The following SLC6A3 variants were observed in gnomAD, a reference collection of about 807,000 sequenced individuals.
SLC6A3 encodes the protein sodium-dependent dopamine transporter.
Under a neutral mutation model 70.4 loss-of-function variants are expected in SLC6A3, and 19 were observed. The ratio of observed to expected loss-of-function variants is 0.27; its 90% CI spans 0.19 to 0.40. The LOEUF is 0.40. Ranked by LOEUF, SLC6A3 falls within the 10% of genes least tolerant of loss-of-function variation. The pLI is 1.00. For missense variants in SLC6A3, 613 were observed against 838.5 expected, an observed-to-expected ratio of 0.73 and a Z score of 3.32; for synonymous variants, 368 against 356.6, an observed-to-expected ratio of 1.03 and a Z score of -0.36.
chr5:1,429,388 AC>A (rs1423967153), intron 4 of SLC6A3, among the ~76,000 whole-genome samples: 2 of 152,238 alleles, frequency 1.3e-5, no homozygotes, highest in Non-Finnish European at 2.9e-5. Context: ...GCTAAAGTGT[AC>A]CACGTGCCAG....
Position 1,443,248 on chromosome 5 carries a change from G to C in SLC6A3, c.-45-6C>G. 1.9e-6 allele frequency: 3 copies of C among 1,595,734 alleles called. No homozygotes were observed. Among genetic ancestry groups the C allele is most frequent in the Middle Eastern group, 1.7e-4 (1 of 5,968 alleles). Reference sequence around the variant, plus strand: ...TGTGCTTCTTCCCTCTTGGTCTTCAGCCAATATGAAAAATAAACACACAAC... The same window carrying C: ...TGTGCTTCTTCCCTCTTGGTCTTCACCCAATATGAAAAATAAACACACAAC... On this transcript the variant is annotated splice_polypyrimidine_tract_variant and splice_region_variant and intron_variant, in intron 1 of 14. Coordinates refer to ENST00000270349, the MANE Select transcript of SLC6A3 (RefSeq NM_001044.5).
Position 1,437,713 on chromosome 5 carries a change from G to T in SLC6A3, c.418+3646C>A, listed in dbSNP as rs1284910597. 6.6e-6 allele frequency among the ~76,000 whole-genome samples: 1 copy of T among 152,212 alleles called. No individual in the cohort carries two copies. Among genetic ancestry groups the T allele is most frequent in the African/African-American group, 2.4e-5 (1 of 41,452 alleles). ...ATCTTGGCTCCCAGTTAGGAGCAGG[G>T]AGCAGCTCGCAGGTCTGCAGGAGGG... On this transcript the variant is annotated intron_variant, in intron 3 of 14. Transcript: ENST00000270349. This position sits in a 1 kb window ranked among gnomAD's most constrained non-coding sequence, Gnocchi z 4.8.
At chr5:1,443,316 G>T (rs2735850) in intron 1 of SLC6A3, 74 bp from the exon 2 acceptor site, 1 of 1,207,566 alleles carries the variant, frequency 8.3e-7, no homozygotes, top group Non-Finnish European at 1.2e-6. Flanking sequence ...GACATACCTG[G>T]TGCGGAGGGC....
At position 1,436,973 on chromosome 5, in the gene SLC6A3, C is replaced by T. The variant is rs1050567616; in HGVS notation, c.419-4275G>A. Among the ~76,000 whole-genome samples, 2 of 152,266 alleles carry T rather than the reference C, an allele frequency of 1.3e-5. No homozygotes were observed. The highest frequency in any genetic ancestry group is 4.8e-5 in the African/African-American group (2 of 41,560). On this transcript the variant is annotated intron_variant, in intron 3 of 14. Transcript: ENST00000270349. The surrounding 1 kb of genome is among the most constrained non-coding windows in gnomAD (Gnocchi z 5.2). ...CTTTGGAAGAAAGACGGGAGAGGGC[C>T]GGGCACGGTGGCTCACTCCTGTAAT...
chr5:1,424,455 CT>C (rs1337074185), intron 4 of SLC6A3, among the ~76,000 whole-genome samples: 1 of 150,924 alleles, frequency 6.6e-6, no homozygotes, highest in Non-Finnish European at 1.5e-5. Context: ...GCCCGGACCA[CT>C]CCTCCCTCAC....
At chr5:1,430,352 C>T (rs1018904509) in intron 4 of SLC6A3, among the ~76,000 whole-genome samples, 11 of 152,356 alleles carry the variant, frequency 7.2e-5, no homozygotes, top group African/African-American at 1.7e-4. Context: ...CTAAGAAAAA[C>T]GCCGGGTGGC....
intron 3 of SLC6A3, among the ~76,000 whole-genome samples, chr5:1,433,809 A>T (rs1159840568): frequency 6.6e-6 from 1 of 151,606 alleles, no homozygotes; most frequent in East Asian, 1.9e-4. Flanking sequence ...ATCCACAACC[A>T]TCCACACCCA....
intron 3 of SLC6A3, 54 bp downstream of exon 3, chr5:1,441,305 G>T: frequency 6.2e-7 from 1 of 1,610,722 alleles, no homozygotes; most frequent in Non-Finnish European, 8.5e-7. Context: ...AAGCTCCAGC[G>T]TCACCACCAT....
chr5:1,409,743 A>G lies in SLC6A3; in HGVS notation c.1376T>C (p.Leu459Pro). ...TACGTTGGTGACGCAGAACAGGGAC[A>G]GGAGGAAGGTCGCCAGGACGATGAA... ...TLFIVLATFL[L>P]SLFCVTNGGI... is the part of the protein sequence containing the mutation. The change falls in exon 10 of 15, where the codon CTG becomes CCG. Residue 459 changes from leucine to proline, a missense_variant. Physicochemically the swap from Leu to Pro is moderately conservative, Grantham distance 98. Coordinates refer to ENST00000270349, the MANE Select transcript of SLC6A3 (RefSeq NM_001044.5). 6.2e-7 allele frequency: 1 copy of G among 1,613,456 alleles called. No individual in the cohort carries two copies. Among genetic ancestry groups the G allele is most frequent in the Non-Finnish European group, 8.5e-7 (1 of 1,180,026 alleles).
chr5:1,424,990 C>T (rs556819503), intron 4 of SLC6A3, among the ~76,000 whole-genome samples: 30 of 152,180 alleles, frequency 2.0e-4, no homozygotes, highest in Admixed American at 1.2e-3. Flanking sequence ...GCAGGGCAGG[C>T]GAGACCATCA....
At chr5:1,395,095 G>A (rs1223987829) in intron 14 of SLC6A3, among the ~76,000 whole-genome samples, 1 of 152,216 alleles carries the variant, frequency 6.6e-6, no homozygotes, top group Admixed American at 6.5e-5. Context: ...GTCCGGGGCT[G>A]GTTCCAGATT....
chr5:1,432,822 C>G (rs1051053077), intron 3 of SLC6A3, 124 bp from the exon 4 acceptor site: 6 of 725,166 alleles, frequency 8.3e-6, no homozygotes, highest in Non-Finnish European at 1.5e-5. Context: ...CTGGACAGCC[C>G]TGATGCCAGA....
chr5:1,434,735 G>A (rs758137127), intron 3 of SLC6A3, among the ~76,000 whole-genome samples: 3 of 152,176 alleles, frequency 2.0e-5, no homozygotes, highest in African/African-American at 7.2e-5. Flanking sequence ...GTTCATGGCC[G>A]GGGTAGGAGC....
At chr5:1,422,406 G>A in intron 4 of SLC6A3, among the ~76,000 whole-genome samples, 1 of 146,340 alleles carries the variant, frequency 6.8e-6, no homozygotes, top group Non-Finnish European at 1.5e-5. Context: ...GCCCACCGCT[G>A]CCCACGGTGC....
intron 4 of SLC6A3, among the ~76,000 whole-genome samples, chr5:1,429,225 G>T (rs1205823830): frequency 6.6e-6 from 1 of 152,248 alleles, no homozygotes; most frequent in Non-Finnish European, 1.5e-5. Flanking sequence ...ACTGGGGCCT[G>T]TTTCAGGGGA....
At chr5:1,400,695 C>A (rs1228227730) in intron 14 of SLC6A3, among the ~76,000 whole-genome samples, 1 of 152,216 alleles carries the variant, frequency 6.6e-6, no homozygotes, top group African/African-American at 2.4e-5. Context: ...GTCTGTGCAG[C>A]CGCACCTCCC....
In SLC6A3 at chr5:1,405,709, G is replaced by A. The variant is rs1188268926; in HGVS notation, c.1599+479C>T. On this transcript the variant is annotated intron_variant, in intron 12 of 14. Coordinates refer to ENST00000270349, the MANE Select transcript of SLC6A3 (RefSeq NM_001044.5). The surrounding 1 kb of genome is among the most constrained non-coding windows in gnomAD (Gnocchi z 5.3). The stretch of plus-strand genomic sequence containing the variant: ...CCTGACTCGGTGGCGGATGACAGAA[G>A]CAAGTGCCTACTGGACACAGTGATG... Among the ~76,000 whole-genome samples the A allele has an allele frequency of 6.6e-6, 1 of 152,222 alleles. No homozygotes were observed. The highest frequency in any genetic ancestry group is 1.5e-5 in the Non-Finnish European group (1 of 68,028).
At chr5:1,410,407 C>T (rs943659837) in intron 9 of SLC6A3, among the ~76,000 whole-genome samples, 35 of 152,068 alleles carry the variant, frequency 2.3e-4, no homozygotes, top group African/African-American at 7.7e-4. Flanking sequence ...ACCCAGGAGC[C>T]GTGGACGAGG....
chr5:1,439,136 G>A (rs938920236), intron 3 of SLC6A3, among the ~76,000 whole-genome samples: 1 of 149,116 alleles, frequency 6.7e-6, no homozygotes, highest in Admixed American at 6.6e-5. Context: ...AACAGGCCTG[G>A]GTCTTCCGTT....
Sources: gnomAD v4.1 joint callset for allele counts (sites outside exome capture counted in the v4.1 genomes callset) on GRCh38, gnomAD v4.1.1 for gene constraint, Gnocchi (gnomAD v3.1) non-coding constraint, MANE v1.5 for transcripts, NCBI Gene and HGNC (gene_info 2026-07-23, HGNC 2026-07-21) for gene names.